BIRC6: variants seen among roughly 807,000 people sequenced by gnomAD.
BIRC6 encodes the protein baculoviral IAP repeat containing 6.
BIRC6 carries 98 observed loss-of-function variants against 503.3 expected under a neutral mutation model. The ratio of observed to expected loss-of-function variants is 0.19; its 90% CI spans 0.17 to 0.23. The LOEUF is 0.23. Among genes scored for constraint, BIRC6 ranks in the 10% least tolerant of loss-of-function variants. The pLI, the probability that BIRC6 is intolerant of heterozygous loss-of-function variation, is 1.00. For missense variants in BIRC6, 5,360 were observed against 5,806.0 expected (o/e 0.92, Z 2.50); for synonymous variants, 2,240 against 2,078.7 (o/e 1.08, Z -2.11).
At chr2:32,586,315 CAT>C (rs1410810338) in intron 66 of BIRC6, among the ~76,000 whole-genome samples, 1 of 149,500 alleles carries the variant, frequency 6.7e-6, no homozygotes, top group Non-Finnish European at 1.5e-5. Context: ...AGAAGCATAA[CAT>C]ATTAGTATAA....
chr2:32,568,736 T>C (rs989455770), intron 65 of BIRC6, among the ~76,000 whole-genome samples: 3 of 151,536 alleles, frequency 2.0e-5, no homozygotes, highest in African/African-American at 7.3e-5. Flanking sequence ...CCCAGCCACT[T>C]GGGAGGCTGA....
In BIRC6 at chr2:32,401,585, C is replaced by T. The variant is rs1324806419; in HGVS notation, c.1380C>T (p.Ser460=). Residue 460 remains serine, a synonymous_variant, in exon 8 of 74, where the codon TCC becomes TCT. Transcript: ENST00000421745. The part of the protein sequence containing the change: ...RRPTLAWLED[S]SSCSDIPKLE... ...CAACTTTGGCGTGGCTGGAGGACTC[C>T]TCTAGTTGCTCAGATATACCAAAAT... The T allele has an allele frequency of 1.2e-6, 2 of 1,613,752 alleles. No individual in the cohort carries two copies. Among genetic ancestry groups the T allele is most frequent in the Admixed American group, 1.7e-5 (1 of 59,962 alleles).
intron 66 of BIRC6, among the ~76,000 whole-genome samples, chr2:32,590,137 C>T (rs1324900593): frequency 1.3e-5 from 2 of 152,164 alleles, no homozygotes; most frequent in Admixed American, 6.5e-5. Flanking sequence ...CCTGGAGATA[C>T]TAGAAGCAGT....
At chr2:32,477,650 G>T in intron 35 of BIRC6, 67 bp downstream of exon 35, 1 of 1,277,260 alleles carries the variant, frequency 7.8e-7, no homozygotes, top group African/African-American at 1.5e-5. Flanking sequence ...TGTAATCCCA[G>T]CACTTTGGGA....
chr2:32,545,398 T>A (rs1465324331), intron 62 of BIRC6, among the ~76,000 whole-genome samples: 1 of 152,248 alleles, frequency 6.6e-6, no homozygotes, highest in East Asian at 1.9e-4. Flanking sequence ...TCTATAGCTA[T>A]GATCATACAT....
At chr2:32,373,248 A>G (rs541954551) in intron 1 of BIRC6, among the ~76,000 whole-genome samples, 1 of 152,342 alleles carries the variant, frequency 6.6e-6, no homozygotes, top group Non-Finnish European at 1.5e-5. Context: ...TCTGTTCTAA[A>G]ATTCATATAG....
chr2:32,602,099 C>T (rs914522859), intron 70 of BIRC6, among the ~76,000 whole-genome samples: 1 of 151,890 alleles, frequency 6.6e-6, no homozygotes, highest in Admixed American at 6.6e-5. Context: ...AATATATATC[C>T]AAGGGAAATA....
intron 32 of BIRC6, 50 bp downstream of exon 32, chr2:32,471,174 T>C (rs2049052260): frequency 6.5e-7 from 1 of 1,542,778 alleles, no homozygotes. Context: ...TATAATAATA[T>C]GTTGGTGGGG....
chr2:32,369,945 A>AATATAT (rs67839399), intron 1 of BIRC6, among the ~76,000 whole-genome samples: 21 of 44,190 alleles, frequency 4.8e-4, no homozygotes, highest in South Asian at 1.7e-3. Context: ...AAAAAAAAAA[A>AATATAT]ATATATATAT....
intron 1 of BIRC6, among the ~76,000 whole-genome samples, chr2:32,373,342 A>G (rs1233717990): frequency 1.3e-5 from 2 of 152,234 alleles, no homozygotes; most frequent in Admixed American, 6.5e-5. Flanking sequence ...AAAATTTAGT[A>G]TGAAGCTACA....
chr2:32,432,481 G>T (rs1022474294), intron 12 of BIRC6, among the ~76,000 whole-genome samples: 2 of 152,090 alleles, frequency 1.3e-5, no homozygotes. Flanking sequence ...AAAAGGTCAG[G>T]CATGGTGGCT....
At chr2:32,476,187 T>A in intron 33 of BIRC6, 26 bp from the exon 34 acceptor site, 2 of 1,511,106 alleles carry the variant, frequency 1.3e-6, no homozygotes, top group Non-Finnish European at 1.8e-6. Flanking sequence ...TTGTTAAAGA[T>A]TAAGTTGTTT....
chr2:32,477,310 C>G, intron 34 of BIRC6, 58 bp from the exon 35 acceptor site: 4 of 1,540,852 alleles, frequency 2.6e-6, no homozygotes, highest in Non-Finnish European at 3.5e-6. Context: ...TAAATCTATA[C>G]TGAAAAAATT....
chr2:32,585,379 C>G (rs551047702), intron 66 of BIRC6, among the ~76,000 whole-genome samples: 2 of 148,620 alleles, frequency 1.3e-5, no homozygotes, highest in Non-Finnish European at 3.0e-5. Context: ...ATATTTGGTT[C>G]TTTTGTTTTT....
At chr2:32,502,707 TTAAC>T (rs1166227761) in intron 47 of BIRC6, 84 bp from the exon 48 acceptor site, 18 of 984,032 alleles carry the variant, frequency 1.8e-5, no homozygotes, top group East Asian at 1.1e-4. Flanking sequence ...TTTACAAAAA[TTAAC>T]TAGGAAGGAA....
At chr2:32,550,144 T>C (rs1039700888) in intron 65 of BIRC6, among the ~76,000 whole-genome samples, 2 of 152,202 alleles carry the variant, frequency 1.3e-5, no homozygotes, top group Non-Finnish European at 1.5e-5. Context: ...CCTTTATTAT[T>C]TATTGTTTCA....
Position 32,439,633 on chromosome 2 carries a change from A to G in BIRC6, c.3757A>G (p.Ser1253Gly), listed in dbSNP as rs762073768. Reference sequence around the variant, plus strand: ...AAGGCTTCCATCCCTAAAACACCAGAGTAACAAGGGTTATTCACTTGCTTC... The same window carrying G: ...AAGGCTTCCATCCCTAAAACACCAGGGTAACAAGGGTTATTCACTTGCTTC... ...VVRLPSLKHQ[S>G]NKGYSLASLL... The change falls in exon 16 of 74, where the codon AGT becomes GGT. Residue 1253 changes from serine (S) to glycine (G), a missense_variant. By Grantham distance (56) the Ser-to-Gly change is moderately conservative (BLOSUM62 0). This residue lies in a region of BIRC6 where 2,299 missense variants were observed against 2,267.2 expected (regional missense o/e 1.01). Coordinates refer to ENST00000421745, the MANE Select transcript of BIRC6 (RefSeq NM_016252.4). 38 of 1,614,004 alleles carry G rather than the reference A, an allele frequency of 2.4e-5. No homozygotes were observed. The Middle Eastern group carries it at 6.6e-4, about 28-fold the overall frequency.
intron 40 of BIRC6, 34 bp from the exon 41 acceptor site, chr2:32,487,613 T>A: frequency 6.3e-7 from 1 of 1,590,616 alleles, no homozygotes; most frequent in Non-Finnish European, 8.6e-7. Flanking sequence ...CCTGATACTT[T>A]ATGTATAAAA....
chr2:32,506,967 CA>C (rs2053864977), intron 50 of BIRC6, among the ~76,000 whole-genome samples: 1 of 151,678 alleles, frequency 6.6e-6, no homozygotes, highest in African/African-American at 2.4e-5. Flanking sequence ...CTTTTTTTAC[CA>C]CTGAAATTAA....
Sources: allele counts gnomAD v4.1 joint callset (sites outside exome capture counted in the v4.1 genomes callset), GRCh38; gene constraint gnomAD v4.1.1; regional missense constraint gnomAD v4.1.1; transcripts MANE v1.5; gene names NCBI Gene and HGNC (gene_info 2026-07-23, HGNC 2026-07-21).